CD226: variants seen among roughly 807,000 people sequenced by gnomAD.
CD226 encodes CD226 antigen.
In CD226, 24 loss-of-function variants were observed where a neutral mutation model predicts 34.9. That is an observed-to-expected ratio of 0.69 (90% CI 0.50 to 0.97). The LOEUF is 0.97. Among genes scored for constraint, CD226 ranks in the 50% least tolerant of loss-of-function variants. The pLI, the probability that CD226 is intolerant of heterozygous loss-of-function variation, is 0.00. For missense variants in CD226, 397 were observed against 412.7 expected, an observed-to-expected ratio of 0.96 and a Z score of 0.33; for synonymous variants, 148 against 147.4, an observed-to-expected ratio of 1.00 and a Z score of -0.03.
At chr18:69,958,788 AACACACACACACACACACACACACAC>A (rs59835947), upstream of CD226, among the ~76,000 whole-genome samples, 1 of 143,706 alleles carries the variant, frequency 7.0e-6, no homozygotes, top group Non-Finnish European at 1.5e-5. Flanking sequence ...TTCACAGGCA[AACACACACACACACACACACACACAC>A]ACACACACAC....
intron 2 of CD226, among the ~76,000 whole-genome samples, chr18:69,910,635 T>A (rs2055312501): frequency 6.6e-6 from 1 of 152,064 alleles, no homozygotes; most frequent in Non-Finnish European, 1.5e-5. Flanking sequence ...CATAATCACT[T>A]TGGATCCAAA....
intron 3 of CD226, among the ~76,000 whole-genome samples, chr18:69,876,311 CT>C (rs1285081442): frequency 1.3e-5 from 2 of 152,110 alleles, no homozygotes; most frequent in Non-Finnish European, 2.9e-5. Flanking sequence ...ATTAAGATGG[CT>C]TTCTTTATGA....
At chr18:69,914,718 C>A (rs937393883) in intron 2 of CD226, among the ~76,000 whole-genome samples, 1 of 152,082 alleles carries the variant, frequency 6.6e-6, no homozygotes, top group African/African-American at 2.4e-5. Flanking sequence ...CACAAATAAC[C>A]ATCAATTGAG....
intron 1 of CD226, among the ~76,000 whole-genome samples, chr18:69,953,877 G>GT (rs1373559023): frequency 6.6e-6 from 1 of 151,872 alleles, no homozygotes; most frequent in Non-Finnish European, 1.5e-5. Context: ...GTGCGCAACT[G>GT]TAATCCCAGC....
chr18:69,904,429 C>T (rs1331803641), intron 2 of CD226, among the ~76,000 whole-genome samples: 2 of 152,240 alleles, frequency 1.3e-5, no homozygotes, highest in East Asian at 1.9e-4. Flanking sequence ...ACCGGCCTCC[C>T]CAGCTTCAGA....
In CD226 at chr18:69,942,877, C is replaced by T. The variant is rs184609034; in HGVS notation, c.382+3857G>A. 4.3e-4 allele frequency among the ~76,000 whole-genome samples: 65 copies of T among 152,248 alleles called. No individual in the cohort carries two copies. In the East Asian group the frequency reaches 6.4e-3, roughly 15 times the overall value. On this transcript the variant is annotated intron_variant, in intron 2 of 5. Transcript: ENST00000582621. ...TAAGCCATCAGTACCCCCAGGACAC[C>T]CTTCCCTCTCTGTCTTCTCTCTTCC...
chr18:69,925,179 A>G (rs751873941), intron 2 of CD226, among the ~76,000 whole-genome samples: 1 of 152,176 alleles, frequency 6.6e-6, no homozygotes, highest in Non-Finnish European at 1.5e-5. Context: ...CTTCAGAATG[A>G]GTGTGTTTTC....
chr18:69,901,805 G>C (rs1163427659), intron 2 of CD226, among the ~76,000 whole-genome samples: 1 of 151,874 alleles, frequency 6.6e-6, no homozygotes, highest in Non-Finnish European at 1.5e-5. Context: ...CGTGAACCCG[G>C]GAGGCAGAGC....
At chr18:69,931,193 G>A (rs1273720543) in intron 2 of CD226, among the ~76,000 whole-genome samples, 10 of 152,018 alleles carry the variant, frequency 6.6e-5, no homozygotes, top group Admixed American at 6.6e-4. Flanking sequence ...GAGAACACAT[G>A]GACACAGGAA....
intron 3 of CD226, among the ~76,000 whole-genome samples, chr18:69,873,567 GAA>G (rs796781661): frequency 6.8e-6 from 1 of 146,032 alleles, no homozygotes; most frequent in African/African-American, 2.5e-5. Flanking sequence ...ACCTTTTGTA[GAA>G]AAAAAAAAAC....
At chr18:69,923,749 C>G (rs975436571) in intron 2 of CD226, among the ~76,000 whole-genome samples, 1 of 151,964 alleles carries the variant, frequency 6.6e-6, no homozygotes, top group Non-Finnish European at 1.5e-5. Context: ...GTCAGGAGAT[C>G]GAGACCATCC....
Position 69,863,016 on chromosome 18 carries a change from A to G in CD226, c.*1298T>C, listed in dbSNP as rs1268381568. On this transcript the variant is annotated 3_prime_UTR_variant, in exon 6 of 6. Coordinates refer to ENST00000582621, the MANE Select transcript of CD226 (RefSeq NM_001303618.2). ...CAAATACTTTTCATTGTTAGCCTAC[A>G]TCTAGAATTTAAACAATATTAGGTA... 2.6e-5 allele frequency: 4 copies of G among 152,228 alleles called. No individual in the cohort carries two copies. The highest frequency in any genetic ancestry group is 9.6e-5 in the African/African-American group (4 of 41,462). 9.4% of individuals were successfully genotyped at this position (152,228 alleles called of 1,614,324 possible).
At position 69,895,814 on chromosome 18, in the gene CD226, C is replaced by G; in HGVS notation, c.614G>C (p.Ser205Thr). 6.2e-7 allele frequency: 1 copy of G among 1,614,196 alleles called. No individual in the cohort carries two copies. The highest frequency in any genetic ancestry group is 8.5e-7 in the Non-Finnish European group (1 of 1,180,034). Reference sequence around the variant, plus strand: ...TGTGACATCGGGGATGACGATGACGCTCCACCTTCCGTGGCTGCAGTTGCT... The same window carrying G: ...TGTGACATCGGGGATGACGATGACGGTCCACCTTCCGTGGCTGCAGTTGCT... ...IVSNCSHGRW[S>T]VIVIPDVTVS... The change falls in exon 3 of 6, where the codon AGC (serine) becomes ACC (threonine). Residue 205 changes from serine to threonine, a missense_variant. By Grantham distance (58) the Ser-to-Thr change is moderately conservative. Transcript: ENST00000582621.
rs58374905 is a variant in CD226, at chr18:69,866,334, GAAGTA to G, written c.885+1018_885+1022del. Among the ~76,000 whole-genome samples, 884 of 152,308 alleles carry G rather than the reference GAAGTA, an allele frequency of 5.8e-3. 26 individuals are homozygous for G. In the East Asian group the frequency reaches 0.086, roughly 15 times the overall value. On this transcript the variant is annotated intron_variant, in intron 5 of 5. Coordinates refer to ENST00000582621, the MANE Select transcript of CD226 (RefSeq NM_001303618.2). ...TGCTATGCATTAAAGGAAGAGATTT[GAAGTA>G]TAGTGGGGATAACGAGCATGAAAAT...
chr18:69,928,037 T>C (rs1295476269), intron 2 of CD226, among the ~76,000 whole-genome samples: 1 of 152,162 alleles, frequency 6.6e-6, no homozygotes, highest in African/African-American at 2.4e-5. Context: ...CATTAAGCTA[T>C]GAAATATGCA....
At chr18:69,939,379 G>A (rs143172426) in intron 2 of CD226, among the ~76,000 whole-genome samples, 36 of 152,190 alleles carry the variant, frequency 2.4e-4, no homozygotes, top group African/African-American at 8.7e-4. Flanking sequence ...TTGGTAACTT[G>A]CTCTTTTCTT....
chr18:69,961,112 T>C (rs376796998), upstream of CD226, among the ~76,000 whole-genome samples: 81 of 152,340 alleles, frequency 5.3e-4, no homozygotes, highest in African/African-American at 1.9e-3. Context: ...TCAGTAGCTT[T>C]ATTGTATATC....
intron 2 of CD226, among the ~76,000 whole-genome samples, chr18:69,927,038 T>C (rs1241393011): frequency 1.3e-5 from 2 of 152,212 alleles, no homozygotes; most frequent in South Asian, 2.1e-4. Context: ...CAAATTCATA[T>C]TGAAACCTAA....
At position 69,947,434 on chromosome 18, in the gene CD226, C is replaced by T; in HGVS notation, c.-28G>A. 2 of 1,452,738 alleles carry T rather than the reference C, an allele frequency of 1.4e-6. No individual in the cohort carries two copies. Among genetic ancestry groups the T allele is most frequent in the Non-Finnish European group, 1.8e-6 (2 of 1,084,328 alleles). The allele number at this position is 1,452,738 out of a possible 1,614,324, so 90.0% of individuals were successfully genotyped here. A position where few individuals can be genotyped will look rare whatever the true frequency, so the allele number is the denominator to read the frequency against. ...CTGGAAACTGTTTGAAAGGCTGGTT[C>T]TATTAAAAAAAAAAATTGCTTTTTA... On this transcript the variant is annotated 5_prime_UTR_variant, in exon 1 of 6. Coordinates refer to ENST00000582621, the MANE Select transcript of CD226 (RefSeq NM_001303618.2).
Sources: gnomAD v4.1 joint callset for allele counts (sites outside exome capture counted in the v4.1 genomes callset) on GRCh38, gnomAD v4.1.1 for gene constraint, MANE v1.5 for transcripts, NCBI Gene and HGNC (gene_info 2026-07-23, HGNC 2026-07-21) for gene names.